Variants in PROSER1 observed in about 807,000 individuals in gnomAD.
The protein encoded by PROSER1 is proline and serine-rich protein 1.
In PROSER1, 36 loss-of-function variants were observed where a neutral mutation model predicts 71.8. The observed-to-expected ratio is 0.50, with a 90% CI of 0.38 to 0.66. The LOEUF (loss-of-function observed/expected upper bound fraction) is 0.66, where lower values mean the gene tolerates loss of function less well. PROSER1 is among the 30% of genes least tolerant of loss of function. The pLI is 0.00. For missense variants in PROSER1, 1,107 were observed against 1,135.0 expected, an observed-to-expected ratio of 0.98 and a Z score of 0.35; for synonymous variants, 490 against 452.4, an observed-to-expected ratio of 1.08 and a Z score of -1.06.
In PROSER1 at chr13:39,037,764, G is replaced by T. The variant is rs1251153632; in HGVS notation, c.-522C>A. On this transcript the variant is annotated 5_prime_UTR_variant, in exon 1 of 13. Coordinates refer to ENST00000352251, the MANE Select transcript of PROSER1 (RefSeq NM_025138.5). ...CCGCGACCCTCACCGCCGCGAACCC[G>T]GACGCATGGTCCGGCTCGCGCTCAT... The T allele has an allele frequency of 6.6e-6, 1 of 152,484 alleles. No individual in the cohort carries two copies. Among genetic ancestry groups the T allele is most frequent in the Non-Finnish European group, 1.5e-5 (1 of 68,306 alleles). The allele number at this position is 152,484 out of a possible 1,614,324, so 9.4% of individuals were successfully genotyped here.
rs1254193266 is a variant in PROSER1, at chr13:39,014,002, G to A, written c.1250C>T (p.Thr417Ile). Residue 417 changes from threonine to isoleucine, a missense_variant, in exon 11 of 13, where the codon ACC becomes ATC. Transcript: ENST00000352251. ...PFSTSSSAASTSNPNSASLSS... is the reference protein window; with the variant it reads ...PFSTSSSAASISNPNSASLSS... ...CAATGAAGCAGAATTTGGGTTGCTG[G>A]TAGAAGCAGCAGAAGAGCTGGTGGA... is the stretch of plus-strand genomic sequence containing the variant. 5.6e-6 allele frequency: 9 copies of A among 1,614,006 alleles called. No individual in the cohort carries two copies. Among genetic ancestry groups the A allele is most frequent in the Admixed American group, 3.3e-5 (2 of 60,002 alleles).
rs754683149 is a variant in PROSER1, at chr13:39,013,476, C to T, written c.1776G>A (p.Leu592=). 3.7e-6 allele frequency: 6 copies of T among 1,613,836 alleles called. No homozygotes were observed. The African/African-American group carries it at 8.0e-5, about 22-fold the overall frequency. Residue 592 remains leucine (L), a synonymous_variant, in exon 11 of 13, where the codon CTG becomes CTA. Coordinates refer to ENST00000352251, the MANE Select transcript of PROSER1 (RefSeq NM_025138.5). ...LRGPHPGTSD[L]HISSTPAATT... ...TTGCAGCAGGGGTAGATGAAATATG[C>T]AGATCTGAGGTACCTGGGTGGGGGC... is the stretch of plus-strand genomic sequence containing the variant.
Position 39,012,328 on chromosome 13 carries a change from C to A in PROSER1, c.2562-95G>T. The A allele has an allele frequency of 4.4e-6, 6 of 1,352,340 alleles. No homozygotes were observed. The Admixed American group carries it at 6.5e-5, about 15-fold the overall frequency. The allele number at this position is 1,352,340 out of a possible 1,614,324, so 83.8% of individuals were successfully genotyped here. On this transcript the variant is annotated intron_variant, in intron 11 of 12. Coordinates refer to ENST00000352251, the MANE Select transcript of PROSER1 (RefSeq NM_025138.5). The stretch of plus-strand genomic sequence containing the variant: ...AAATACAATCTTAAAATGTTAAAAA[C>A]AAAACAAAAACCTTAGAATTTATTC...
chr13:39,015,743 G>C (rs1869979347), intron 10 of PROSER1, among the ~76,000 whole-genome samples: 1 of 152,170 alleles, frequency 6.6e-6, no homozygotes, highest in African/African-American at 2.4e-5. Flanking sequence ...TACATAAACT[G>C]AAACTCAAAA....
At chr13:39,029,175 T>G (rs1416758764) in intron 4 of PROSER1, 106 bp downstream of exon 4, 6 of 623,728 alleles carry the variant, frequency 9.6e-6, no homozygotes, top group African/African-American at 2.0e-5. Context: ...ACTATGCTTT[T>G]GACTGTATTT....
At chr13:39,026,911 T>C (rs1162204342) in intron 5 of PROSER1, among the ~76,000 whole-genome samples, 2 of 152,100 alleles carry the variant, frequency 1.3e-5, no homozygotes, top group Admixed American at 6.6e-5. Flanking sequence ...TTATGAGAAA[T>C]AGTGAGGGAA....
In PROSER1 at chr13:39,024,526, A is replaced by G. The variant is rs1870450999; in HGVS notation, c.511T>C (p.Cys171Arg). The G allele has an allele frequency of 1.9e-6, 3 of 1,607,156 alleles. No individual in the cohort carries two copies. The highest frequency in any genetic ancestry group is 2.6e-6 in the Non-Finnish European group (3 of 1,176,196). Residue 171 changes from cysteine to arginine, a missense_variant, in exon 7 of 13, where the codon TGT (cysteine) becomes CGT (arginine). Physicochemically the swap from Cys to Arg is radical, Grantham distance 180 (BLOSUM62 -3). Coordinates refer to ENST00000352251, the MANE Select transcript of PROSER1 (RefSeq NM_025138.5). ...GCTATTCCTTTGCCTTCGTTAGTAC[A>G]TTCTTCACCATCTTTTTTCAAAGGA... is the stretch of plus-strand genomic sequence containing the variant. ...GTPLKKDGEE[C>R]TNEGKGIAAR...
chr13:39,032,432 C>T (rs917243264), intron 2 of PROSER1, among the ~76,000 whole-genome samples: 4 of 152,148 alleles, frequency 2.6e-5, no homozygotes, highest in African/African-American at 9.7e-5. Flanking sequence ...ATGATCACCA[C>T]CACCCTGTTT....
chr13:39,035,567 T>A (rs1871061018), intron 1 of PROSER1, among the ~76,000 whole-genome samples: 3 of 152,222 alleles, frequency 2.0e-5, no homozygotes, highest in Non-Finnish European at 4.4e-5. Context: ...AAGTGCTCAC[T>A]AATTAATAGC....
In PROSER1 at chr13:39,013,821, T is replaced by A; in HGVS notation, c.1431A>T (p.Thr477=). 6.2e-7 allele frequency: 1 copy of A among 1,614,172 alleles called. No individual in the cohort carries two copies. The highest frequency in any genetic ancestry group is 8.5e-7 in the Non-Finnish European group (1 of 1,180,030). The change falls in exon 11 of 13, where the codon ACA becomes ACT. Residue 477 remains threonine (T), a synonymous_variant. Transcript: ENST00000352251. ...PLLSALKGFL[T]SNDTNLINSS... Reference sequence around the variant, plus strand: ...AGTTGATTAAATTGGTGTCATTGGATGTCAGAAAACCTTTTAACGCAGACA... The same window carrying A: ...AGTTGATTAAATTGGTGTCATTGGAAGTCAGAAAACCTTTTAACGCAGACA...
Position 39,018,491 on chromosome 13 carries a change from C to CACACACACACACAA in PROSER1, c.731-948_731-947insTTGTGTGTGTGTGT, listed in dbSNP as rs1555238987. Among the ~76,000 whole-genome samples the CACACACACACACAA allele has an allele frequency of 4.2e-3, 613 of 144,816 alleles. 6 individuals carry two copies. Among genetic ancestry groups the CACACACACACACAA allele is most frequent in the African/African-American group, 0.015 (591 of 38,820 alleles). ...AAAACCCGACACACACACACACACACACACACACACACACACACACACACA... is the reference window on the plus strand; with the variant it reads ...AAAACCCGACACACACACACACACACACACACACACACAAACACACACACACACACACACACACA... On this transcript the variant is annotated intron_variant, in intron 9 of 12. Transcript: ENST00000352251.
chr13:39,021,949 C>A (rs1366789822), intron 9 of PROSER1, among the ~76,000 whole-genome samples: 1 of 152,050 alleles, frequency 6.6e-6, no homozygotes, highest in Non-Finnish European at 1.5e-5. Flanking sequence ...AATTGAGAAC[C>A]AATAATGTAG....
At chr13:39,026,082 T>C (rs543264105) in intron 6 of PROSER1, among the ~76,000 whole-genome samples, 195 bp downstream of exon 6, 1 of 152,306 alleles carries the variant, frequency 6.6e-6, no homozygotes, top group African/African-American at 2.4e-5. Flanking sequence ...CTCTCTTCTA[T>C]TTGTCTTGTT....
At chr13:39,030,565 G>A (rs865943460) in intron 3 of PROSER1, among the ~76,000 whole-genome samples, 2 of 152,022 alleles carry the variant, frequency 1.3e-5, no homozygotes, top group African/African-American at 4.8e-5. Context: ...AGGACTAAAG[G>A]AGCATACCAC....
At chr13:39,030,231 A>G (rs1466782162) in intron 3 of PROSER1, among the ~76,000 whole-genome samples, 1 of 152,218 alleles carries the variant, frequency 6.6e-6, no homozygotes, top group Non-Finnish European at 1.5e-5. Flanking sequence ...ATTTTCTTAA[A>G]TACATTTATA....
Position 39,028,290 on chromosome 13 carries a change from A to G in PROSER1, c.306T>C (p.Pro102=). 2.5e-6 allele frequency: 4 copies of G among 1,600,300 alleles called. No individual in the cohort carries two copies. Among genetic ancestry groups the G allele is most frequent in the South Asian group, 1.1e-5 (1 of 90,668 alleles). The change falls in exon 5 of 13, where the codon CCT becomes CCC. Residue 102 remains proline (P), a synonymous_variant. Coordinates refer to ENST00000352251, the MANE Select transcript of PROSER1 (RefSeq NM_025138.5). ...TATTTACCCTGAATAAATCTTCAAT[A>G]GGACGAGAATTCTGTGCATCAATAA... ...SNIIDAQNSR[P]IEDLFRVNMS...
Position 39,034,141 on chromosome 13 carries a change from GA to G in PROSER1, c.100del (p.Ser34LeufsTer9). On this transcript the variant is annotated frameshift_variant, in exon 2 of 13. Transcript: ENST00000352251. LOFTEE classifies it high-confidence loss of function. ...AATAATGAGGAATACCTGTTCACTA[GA>G]AAAGTATCCATGCACATATTCAATT... ...KAIEYVHGYF[S>X]SEQVVDLLRY... is the part of the protein sequence containing the mutation. 2 of 1,572,932 alleles carry G rather than the reference GA, an allele frequency of 1.3e-6. No individual in the cohort carries two copies. Among genetic ancestry groups the G allele is most frequent in the Admixed American group, 1.9e-5 (1 of 51,766 alleles).
rs1869847770 is a variant in PROSER1 at position 39,013,889 on chromosome 13, T to C, written c.1363A>G (p.Thr455Ala). The C allele has an allele frequency of 2.5e-6, 4 of 1,613,714 alleles. No homozygotes were observed. In the East Asian group the frequency reaches 8.9e-5, roughly 36 times the overall value. Residue 455 changes from threonine (T) to alanine (A), a missense_variant, in exon 11 of 13, where the codon ACT becomes GCT. Transcript: ENST00000352251. ...CCAAGTGGACCGGCAACGCTGGGAG[T>C]AGAGCCACCAGCAATTACAGGAGTC... ...NPTPVIAGGS[T>A]PSVAGPLGVN...
intron 7 of PROSER1, among the ~76,000 whole-genome samples, chr13:39,024,204 G>A (rs886239659): frequency 3.3e-5 from 5 of 152,080 alleles, no homozygotes; most frequent in Non-Finnish European, 5.9e-5. Context: ...TCCACACTCC[G>A]TATCTCCAAC....
Sources: gnomAD v4.1 joint callset for allele counts (sites outside exome capture counted in the v4.1 genomes callset) on GRCh38, gnomAD v4.1.1 for gene constraint, MANE v1.5 for transcripts, NCBI Gene and HGNC (gene_info 2026-07-23, HGNC 2026-07-21) for gene names.